Variants in MCC observed in about 807,000 individuals in gnomAD.
MCC encodes colorectal mutant cancer protein.
In MCC, 90 loss-of-function variants were observed where a neutral mutation model predicts 116.2. That is an observed-to-expected ratio of 0.77 (90% confidence interval 0.65 to 0.92). The LOEUF (loss-of-function observed/expected upper bound fraction) is 0.92. MCC is among the 40% of genes least tolerant of loss of function. The pLI is 0.00. For missense variants in MCC, 1,516 were observed against 1,312.2 expected, an observed-to-expected ratio of 1.16 and a Z score of -2.40; for synonymous variants, 578 against 510.5, an observed-to-expected ratio of 1.13 and a Z score of -1.78.
chr5:113,110,860 T>C (rs1397081749), intron 6 of MCC, among the ~76,000 whole-genome samples: 1 of 152,172 alleles, frequency 6.6e-6, no homozygotes, highest in Non-Finnish European at 1.5e-5. Context: ...TTGTTAAAAT[T>C]TATGGCTATC....
intron 3 of MCC, among the ~76,000 whole-genome samples, chr5:113,206,398 T>C (rs1762911144): frequency 1.3e-5 from 2 of 152,220 alleles, no homozygotes. Flanking sequence ...GTCCTTTCCT[T>C]ATGCAAATTA....
intron 8 of MCC, among the ~76,000 whole-genome samples, chr5:113,097,252 G>A (rs1231488669): frequency 6.6e-6 from 1 of 152,106 alleles, no homozygotes; most frequent in African/African-American, 2.4e-5. Flanking sequence ...AAGAAAAAAA[G>A]CAATCGCATA....
chr5:113,071,522 T>C (rs116344474), intron 11 of MCC, among the ~76,000 whole-genome samples: 1,649 of 152,290 alleles, frequency 0.011, 16 homozygotes, highest in Non-Finnish European at 0.015. Context: ...GCTCTGGAGA[T>C]ATTCCAAGGA....
intron 2 of MCC, among the ~76,000 whole-genome samples, chr5:113,374,321 T>C (rs143949937): frequency 1.2e-4 from 18 of 152,212 alleles, no homozygotes; most frequent in African/African-American, 4.3e-4. Flanking sequence ...TGTTCCTTGA[T>C]CCTGATGGAC....
chr5:113,238,019 T>C (rs1561477742), intron 3 of MCC, among the ~76,000 whole-genome samples: 1 of 152,174 alleles, frequency 6.6e-6, no homozygotes, highest in Non-Finnish European at 1.5e-5. Flanking sequence ...TTTCTCTCCT[T>C]TACCAAAGAG....
Position 113,049,260 on chromosome 5 carries a change from C to G in MCC, c.2488G>C (p.Glu830Gln), listed in dbSNP as rs745927187. The change falls in exon 16 of 19, where the codon GAG becomes CAG. Residue 830 changes from glutamate to glutamine, a missense_variant. Transcript: ENST00000408903. Reference protein sequence around the residue: ...AELKAQLYLLEKEKKALELKL... With the variant: ...AELKAQLYLLQKEKKALELKL... ...AGCTCCAGGGCCTTCTTCTCTTTCTCCAGTAGGTAGAGCTGGGCCTTCAAC... is the reference window on the plus strand; with the variant it reads ...AGCTCCAGGGCCTTCTTCTCTTTCTGCAGTAGGTAGAGCTGGGCCTTCAAC... 5.6e-6 allele frequency: 9 copies of G among 1,611,350 alleles called. No homozygotes were observed. Among genetic ancestry groups the G allele is most frequent in the Non-Finnish European group, 7.6e-6 (9 of 1,178,724 alleles).
intron 3 of MCC, among the ~76,000 whole-genome samples, chr5:113,183,712 G>A (rs1205656980): frequency 6.6e-6 from 1 of 152,178 alleles, no homozygotes; most frequent in Non-Finnish European, 1.5e-5. Context: ...CATCTCAAGA[G>A]CACCAGGGGC....
chr5:113,271,455 T>C (rs1438737017), intron 3 of MCC, among the ~76,000 whole-genome samples: 1 of 152,248 alleles, frequency 6.6e-6, no homozygotes, highest in African/African-American at 2.4e-5. Context: ...CAGTCATCCT[T>C]ACTTTAGTAA....
intron 6 of MCC, among the ~76,000 whole-genome samples, chr5:113,121,133 A>G (rs2150269285): frequency 6.6e-6 from 1 of 152,220 alleles, no homozygotes; most frequent in Non-Finnish European, 1.5e-5. Flanking sequence ...TCTTTATTAA[A>G]TCTCAGCTGC....
chr5:113,171,520 C>T (rs1581197284), intron 3 of MCC, among the ~76,000 whole-genome samples: 1 of 151,828 alleles, frequency 6.6e-6, no homozygotes, highest in Non-Finnish European at 1.5e-5. Flanking sequence ...ACACCTGGCT[C>T]ATTTTTGTAT....
Position 113,275,123 on chromosome 5 carries a change from C to T in MCC, c.627+65396G>A, listed in dbSNP as rs145059148. 4.1e-3 allele frequency among the ~76,000 whole-genome samples: 620 copies of T among 152,192 alleles called. 5 individuals carry two copies. The highest frequency in any genetic ancestry group is 0.014 in the African/African-American group (572 of 41,518). On this transcript the variant is annotated intron_variant, in intron 3 of 18. Coordinates refer to ENST00000408903, the MANE Select transcript of MCC (RefSeq NM_001085377.2). ...CAAAGCCTCCAGCCAGTCCATCGCG[C>T]GGGTGGGCCACTGGATTAATGAGCT...
chr5:113,405,734 G>C (rs903527448), intron 1 of MCC, among the ~76,000 whole-genome samples: 1 of 151,546 alleles, frequency 6.6e-6, no homozygotes, highest in African/African-American at 2.4e-5. Context: ...TTGAGCTCAG[G>C]AATGCGAGCC....
At chr5:113,098,956 G>A (rs1485023556) in intron 8 of MCC, among the ~76,000 whole-genome samples, 1 of 152,124 alleles carries the variant, frequency 6.6e-6, no homozygotes, top group East Asian at 1.9e-4. Flanking sequence ...ACTCTGCAGA[G>A]CTACACATCG....
intron 1 of MCC, among the ~76,000 whole-genome samples, chr5:113,395,494 T>C (rs1769504271): frequency 6.6e-6 from 1 of 152,202 alleles, no homozygotes; most frequent in Admixed American, 6.5e-5. Flanking sequence ...ATGTTCACCT[T>C]ATCTTATTTA....
chr5:113,322,450 T>G (rs1767443379), intron 3 of MCC, among the ~76,000 whole-genome samples: 2 of 152,172 alleles, frequency 1.3e-5, no homozygotes, highest in African/African-American at 2.4e-5. Context: ...AAGTTTTACT[T>G]TAAAAAAGAA....
chr5:113,407,986 C>G (rs1450230299), intron 1 of MCC, among the ~76,000 whole-genome samples: 1 of 152,148 alleles, frequency 6.6e-6, no homozygotes. Context: ...TTTAGGTCTC[C>G]TAACTTCTTT....
intron 1 of MCC, among the ~76,000 whole-genome samples, chr5:113,420,576 G>T (rs962437942): frequency 1.3e-5 from 2 of 152,262 alleles, no homozygotes; most frequent in African/African-American, 4.8e-5. Context: ...CTGAAGTTTG[G>T]AACCAAAACT....
chr5:113,089,271 A>G (rs867020317), intron 8 of MCC, among the ~76,000 whole-genome samples: 1 of 152,234 alleles, frequency 6.6e-6, no homozygotes, highest in Admixed American at 6.5e-5. Context: ...AGGCAACGCT[A>G]GAACTCAATC....
At chr5:113,133,231 T>C (rs1245409036) in intron 5 of MCC, among the ~76,000 whole-genome samples, 1 of 152,134 alleles carries the variant, frequency 6.6e-6, no homozygotes, top group Non-Finnish European at 1.5e-5. Flanking sequence ...CACTAGGTCT[T>C]ACTTCTTCTA....
Sources: gnomAD v4.1 joint callset for allele counts (sites outside exome capture counted in the v4.1 genomes callset) on GRCh38, gnomAD v4.1.1 for gene constraint, MANE v1.5 for transcripts, NCBI Gene and HGNC (gene_info 2026-07-23, HGNC 2026-07-21) for gene names.